Variants in SDK1 observed in about 807,000 individuals in gnomAD.
SDK1 encodes sidekick cell adhesion molecule 1.
In SDK1, 157 loss-of-function variants were observed where a neutral mutation model predicts 245.5. That is an observed-to-expected ratio of 0.64 (90% CI 0.56 to 0.73). The LOEUF (loss-of-function observed/expected upper bound fraction) is 0.73, where lower values mean the gene tolerates loss of function less well. Among genes scored for constraint, SDK1 ranks in the 30% least tolerant of loss-of-function variants. The pLI is 0.00. For synonymous variants in SDK1, 1,647 were observed against 1,278.5 expected (o/e 1.29, Z -6.15); for missense variants, 3,583 against 3,002.3 (o/e 1.19, Z -4.52).
At chr7:3,701,431 T>C (rs1260319064) in intron 4 of SDK1, among the ~76,000 whole-genome samples, 1 of 152,142 alleles carries the variant, frequency 6.6e-6, no homozygotes, top group East Asian at 1.9e-4. Context: ...AGACTTTGTG[T>C]AGGTACAGAA....
chr7:3,340,382 G>C (rs530174313), intron 1 of SDK1, among the ~76,000 whole-genome samples: 46 of 152,292 alleles, frequency 3.0e-4, no homozygotes, highest in African/African-American at 1.1e-3. Context: ...GACACAAAGT[G>C]AGCACATGCT....
chr7:4,166,226 C>T (rs944776318), intron 32 of SDK1, among the ~76,000 whole-genome samples: 1 of 152,218 alleles, frequency 6.6e-6, no homozygotes. Context: ...GGGAGGCATC[C>T]CGCCGCTTCA....
At position 4,261,887 on chromosome 7, in the gene SDK1, G is replaced by A. The variant is rs536563833; in HGVS notation, c.6382-3237G>A. Among the ~76,000 whole-genome samples, 9 of 152,052 alleles carry A rather than the reference G, an allele frequency of 5.9e-5. No homozygotes were observed. In the South Asian group the frequency reaches 1.9e-3, roughly 32 times the overall value. ...GGTGGATCCCCTAGGAGCCTGGGAA[G>A]CTGTTAGGACGCACAGGTGAGGGTC... On this transcript the variant is annotated intron_variant, in intron 44 of 44. Coordinates refer to ENST00000404826, the MANE Select transcript of SDK1 (RefSeq NM_152744.4).
rs1045120664 is a variant in SDK1, at chr7:3,440,870, G to A, written c.298+138986G>A. 3.3e-5 allele frequency among the ~76,000 whole-genome samples: 5 copies of A among 152,122 alleles called. No individual in the cohort carries two copies. The East Asian group carries it at 9.6e-4, about 29-fold the overall frequency. ...AGGTAAATTTGTGAGTGGAAGATAC[G>A]AACCAAAAAGATGTTCCAATTGACA... On this transcript the variant is annotated intron_variant, in intron 1 of 44. Coordinates refer to ENST00000404826, the MANE Select transcript of SDK1 (RefSeq NM_152744.4).
chr7:4,055,872 A>G (rs1779164084), intron 19 of SDK1, among the ~76,000 whole-genome samples: 1 of 151,876 alleles, frequency 6.6e-6, no homozygotes. Flanking sequence ...TTCCTTTGAG[A>G]TACTCTCTGT....
chr7:3,765,369 C>A (rs554339760), intron 4 of SDK1, among the ~76,000 whole-genome samples: 1 of 152,170 alleles, frequency 6.6e-6, no homozygotes, highest in Non-Finnish European at 1.5e-5. Context: ...ATCCTTACCA[C>A]CTTGCCCCTA....
chr7:4,267,997 G>T lies in SDK1; in HGVS notation c.*2613G>T. Reference sequence around the variant, plus strand: ...CAGTTCCTAACTCCTTATCTTCAGGGAAGGAAAAGAAAATCACAGCCTAGG... The same window carrying T: ...CAGTTCCTAACTCCTTATCTTCAGGTAAGGAAAAGAAAATCACAGCCTAGG... On this transcript the variant is annotated 3_prime_UTR_variant, in exon 45 of 45. Transcript: ENST00000404826. 4 of 985,502 alleles carry T rather than the reference G, an allele frequency of 4.1e-6. No homozygotes were observed. In the South Asian group the frequency reaches 1.9e-4, roughly 46 times the overall value. 61.0% of individuals were successfully genotyped at this position (985,502 alleles called of 1,614,324 possible). A position where few individuals can be genotyped will look rare whatever the true frequency, so the allele number is the denominator to read the frequency against.
chr7:3,869,364 C>T (rs890909396), intron 5 of SDK1, among the ~76,000 whole-genome samples: 2 of 152,018 alleles, frequency 1.3e-5, no homozygotes, highest in East Asian at 3.9e-4. Flanking sequence ...CCATGTTAGC[C>T]AGGCTGGTCT....
At chr7:3,331,427 G>T (rs768602339) in intron 1 of SDK1, among the ~76,000 whole-genome samples, 2 of 152,126 alleles carry the variant, frequency 1.3e-5, no homozygotes, top group African/African-American at 2.4e-5. Context: ...TGTGCGTATT[G>T]TCCATTTGCA....
intron 4 of SDK1, among the ~76,000 whole-genome samples, chr7:3,724,756 T>A (rs570182469): frequency 6.6e-6 from 1 of 152,254 alleles, no homozygotes; most frequent in African/African-American, 2.4e-5. Flanking sequence ...TGCAGTCAGC[T>A]TTCGGAAGGA....
chr7:3,792,441 T>C (rs1479614979), intron 4 of SDK1, among the ~76,000 whole-genome samples: 1 of 152,256 alleles, frequency 6.6e-6, no homozygotes, highest in East Asian at 1.9e-4. Flanking sequence ...CCGTGACTTA[T>C]ATAACTTTAT....
In SDK1 at chr7:4,267,690, C is replaced by T. The variant is rs1788553901; in HGVS notation, c.*2306C>T. 5 of 985,308 alleles carry T rather than the reference C, an allele frequency of 5.1e-6. No individual in the cohort carries two copies. Among genetic ancestry groups the T allele is most frequent in the Non-Finnish European group, 4.8e-6 (4 of 829,948 alleles). 61.0% of individuals were successfully genotyped at this position (985,308 alleles called of 1,614,324 possible). A position where few individuals can be genotyped will look rare whatever the true frequency, so the allele number is the denominator to read the frequency against. The stretch of plus-strand genomic sequence containing the variant: ...GTCTTAGGTTGAGGATGAGCAGATT[C>T]GAGATATGTTTGTTGCTCTCGGGTT... On this transcript the variant is annotated 3_prime_UTR_variant, in exon 45 of 45. Coordinates refer to ENST00000404826, the MANE Select transcript of SDK1 (RefSeq NM_152744.4).
chr7:3,998,280 C>T (rs1356498944), intron 14 of SDK1, among the ~76,000 whole-genome samples: 1 of 152,220 alleles, frequency 6.6e-6, no homozygotes, highest in Non-Finnish European at 1.5e-5. Flanking sequence ...CCCGGCAGCA[C>T]CTCCCTGCAA....
chr7:4,114,716 C>T (rs1783588851), intron 25 of SDK1, among the ~76,000 whole-genome samples: 1 of 152,168 alleles, frequency 6.6e-6, no homozygotes, highest in Non-Finnish European at 1.5e-5. Context: ...GAGTTTACTT[C>T]TCACTCATAT....
Position 3,935,752 on chromosome 7 carries a change from G to A in SDK1, c.848-15171G>A, listed in dbSNP as rs367571684. Among the ~76,000 whole-genome samples the A allele has an allele frequency of 4.6e-5, 7 of 152,342 alleles. 1 individual carries two copies. In the East Asian group the frequency reaches 7.7e-4, roughly 17 times the overall value. On this transcript the variant is annotated intron_variant, in intron 5 of 44. Coordinates refer to ENST00000404826, the MANE Select transcript of SDK1 (RefSeq NM_152744.4). ...CAAAAACAGAAAGTAACAAGTGTTG[G>A]CAAGGATGTGGAGAAACTGGAACGC...
chr7:3,313,576 T>C (rs918458297), intron 1 of SDK1, among the ~76,000 whole-genome samples: 1 of 152,208 alleles, frequency 6.6e-6, no homozygotes, highest in Non-Finnish European at 1.5e-5. Flanking sequence ...TAAATTTATA[T>C]GTAATTGCTT....
At chr7:4,070,834 C>T (rs1173342988) in intron 20 of SDK1, among the ~76,000 whole-genome samples, 1 of 151,942 alleles carries the variant, frequency 6.6e-6, no homozygotes, top group Non-Finnish European at 1.5e-5. Context: ...CTCAGCCTCC[C>T]GAGTAGTTGG....
chr7:3,757,114 G>A (rs996888484), intron 4 of SDK1, among the ~76,000 whole-genome samples: 1 of 152,056 alleles, frequency 6.6e-6, no homozygotes, highest in African/African-American at 2.4e-5. Flanking sequence ...AACTCCCAGC[G>A]TTAGCACAGA....
At chr7:3,841,399 G>T (rs893587893) in intron 5 of SDK1, among the ~76,000 whole-genome samples, 1 of 152,162 alleles carries the variant, frequency 6.6e-6, no homozygotes, top group African/African-American at 2.4e-5. Context: ...CAGGGCCCAG[G>T]AGTTCTGGAG....
Sources: allele counts gnomAD v4.1 joint callset (sites outside exome capture counted in the v4.1 genomes callset), GRCh38; gene constraint gnomAD v4.1.1; transcripts MANE v1.5; gene names NCBI Gene and HGNC (gene_info 2026-07-23, HGNC 2026-07-21).